Variants in ADK observed in about 807,000 individuals in gnomAD.
ADK encodes adenosine kinase.
ADK carries 24 observed loss-of-function variants against 44.7 expected under a neutral mutation model. The observed-to-expected ratio is 0.54, with a 90% CI of 0.39 to 0.76. ADK has a LOEUF of 0.76. Among genes scored for constraint, ADK ranks in the 30% least tolerant of loss-of-function variants. The pLI, the probability that ADK is intolerant of heterozygous loss-of-function variation, is 0.00. For synonymous variants in ADK, 128 were observed against 142.6 expected (o/e 0.90, Z 0.73); for missense variants, 321 against 425.1 (o/e 0.76, Z 2.15).
chr10:74,543,701 T>C (rs1403229229), intron 7 of ADK, among the ~76,000 whole-genome samples: 1 of 152,236 alleles, frequency 6.6e-6, no homozygotes, highest in African/African-American at 2.4e-5. Flanking sequence ...TTATTAAGCA[T>C]TGCTATCAAA....
At chr10:74,219,778 A>G (rs1844220684) in intron 2 of ADK, among the ~76,000 whole-genome samples, 1 of 151,574 alleles carries the variant, frequency 6.6e-6, no homozygotes, top group South Asian at 2.1e-4. Context: ...TACTGGGTAC[A>G]TAACGAAATG....
chr10:74,356,535 T>G (rs910864713), intron 4 of ADK, among the ~76,000 whole-genome samples: 1 of 152,236 alleles, frequency 6.6e-6, no homozygotes, highest in Non-Finnish European at 1.5e-5. Flanking sequence ...AATACCCATT[T>G]TATAAATTGG....
At chr10:74,384,377 G>A (rs1843073380) in intron 4 of ADK, among the ~76,000 whole-genome samples, 1 of 152,006 alleles carries the variant, frequency 6.6e-6, no homozygotes, top group African/African-American at 2.4e-5. Context: ...AACATAAAAT[G>A]CAGGCATATA....
chr10:74,699,293 T>G (rs1856326893), intron 10 of ADK, among the ~76,000 whole-genome samples: 1 of 152,056 alleles, frequency 6.6e-6, no homozygotes, highest in Non-Finnish European at 1.5e-5. Flanking sequence ...GTACAGTATT[T>G]GTATCTATTA....
At chr10:74,228,697 A>G (rs1470147728) in intron 3 of ADK, among the ~76,000 whole-genome samples, 1 of 152,160 alleles carries the variant, frequency 6.6e-6, no homozygotes, top group Non-Finnish European at 1.5e-5. Flanking sequence ...AAATAGAACC[A>G]TTTTGTTTCC....
intron 8 of ADK, among the ~76,000 whole-genome samples, chr10:74,591,767 G>A (rs1851730533): frequency 6.6e-6 from 1 of 152,128 alleles, no homozygotes; most frequent in Non-Finnish European, 1.5e-5. Context: ...GAGCATGAAT[G>A]AGAAGAAAGA....
intron 9 of ADK, chr10:74,661,277 C>A: frequency 1.0e-6 from 1 of 958,730 alleles, no homozygotes. Context: ...CCATCATCAC[C>A]TTTTTTTCAG....
chr10:74,261,170 T>G (rs1377239909), intron 3 of ADK, among the ~76,000 whole-genome samples: 1 of 152,200 alleles, frequency 6.6e-6, no homozygotes, highest in Non-Finnish European at 1.5e-5. Context: ...GCACATTACA[T>G]TCATTTGCTT....
chr10:74,364,845 A>G (rs2131954879), intron 4 of ADK, among the ~76,000 whole-genome samples: 1 of 152,100 alleles, frequency 6.6e-6, no homozygotes, highest in Non-Finnish European at 1.5e-5. Flanking sequence ...GGAGTTTTAC[A>G]GAATCTACAG....
intron 7 of ADK, among the ~76,000 whole-genome samples, chr10:74,584,518 A>C (rs1488065002): frequency 6.6e-6 from 1 of 152,210 alleles, no homozygotes; most frequent in Non-Finnish European, 1.5e-5. Flanking sequence ...TTCAAGGAGA[A>C]TATTATACCT....
chr10:74,467,850 A>G (rs1472836579), intron 6 of ADK, among the ~76,000 whole-genome samples: 1 of 152,146 alleles, frequency 6.6e-6, no homozygotes, highest in East Asian at 1.9e-4. Flanking sequence ...TGCAGTTTCA[A>G]TTCATTTCTA....
At chr10:74,333,310 C>T (rs1034551933) in intron 4 of ADK, among the ~76,000 whole-genome samples, 26 of 152,136 alleles carry the variant, frequency 1.7e-4, no homozygotes, top group African/African-American at 6.3e-4. Flanking sequence ...AAATGTATTA[C>T]ATTAGGAGGG....
intron 10 of ADK, among the ~76,000 whole-genome samples, chr10:74,675,779 A>G (rs1855363828): frequency 6.6e-6 from 1 of 152,160 alleles, no homozygotes; most frequent in South Asian, 2.1e-4. Flanking sequence ...CTTCCCAGTA[A>G]ATGAAACTGA....
intron 6 of ADK, among the ~76,000 whole-genome samples, chr10:74,469,169 C>A (rs867752415): frequency 6.6e-6 from 1 of 151,970 alleles, no homozygotes; most frequent in African/African-American, 2.4e-5. Context: ...AAAACCCCAT[C>A]CCTACAAAAA....
At position 74,602,105 on chromosome 10, in the gene ADK, CAAAAAAAA is replaced by C. The variant is rs58400071; in HGVS notation, c.877+1629_877+1636del. Among the ~76,000 whole-genome samples the C allele has an allele frequency of 1.2e-3, 57 of 48,790 alleles. No homozygotes were observed. The East Asian group carries it at 0.03, about 26-fold the overall frequency. The allele number at this position is 48,790 out of a possible 152,430, so 32.0% of individuals were successfully genotyped here. A position where few individuals can be genotyped will look rare whatever the true frequency, so the allele number is the denominator to read the frequency against. ...GGATGACAGACCAAGACCCTGTCTC[CAAAAAAAA>C]AAAAAAAAAAAAAAAAGAACGGAGG... is the stretch of plus-strand genomic sequence containing the variant. On this transcript the variant is annotated intron_variant, in intron 9 of 10. Coordinates refer to ENST00000539909, the MANE Select transcript of ADK (RefSeq NM_006721.4).
chr10:74,234,888 G>C (rs1434540878), intron 3 of ADK, among the ~76,000 whole-genome samples: 1 of 152,040 alleles, frequency 6.6e-6, no homozygotes, highest in African/African-American at 2.4e-5. Context: ...TTGCAAGTGG[G>C]TTTTTAAAAG....
chr10:74,204,159 G>A (rs1341858646), intron 2 of ADK, among the ~76,000 whole-genome samples: 2 of 151,944 alleles, frequency 1.3e-5, no homozygotes. Flanking sequence ...GTTTCACCAT[G>A]TTGGTCAGGC....
chr10:74,534,632 A>G (rs2063990509), intron 7 of ADK, among the ~76,000 whole-genome samples: 1 of 152,230 alleles, frequency 6.6e-6, no homozygotes, highest in Non-Finnish European at 1.5e-5. Context: ...TAATGCATGT[A>G]AAGTTTCAGC....
At chr10:74,281,576 A>G (rs761641362) in intron 3 of ADK, among the ~76,000 whole-genome samples, 7 of 152,380 alleles carry the variant, frequency 4.6e-5, no homozygotes, top group South Asian at 4.1e-4. Context: ...ATGAGGCATC[A>G]TAAATTACCT....
Sources: gnomAD v4.1 joint callset for allele counts (sites outside exome capture counted in the v4.1 genomes callset) on GRCh38, gnomAD v4.1.1 for gene constraint, MANE v1.5 for transcripts, NCBI Gene and HGNC (gene_info 2026-07-23, HGNC 2026-07-21) for gene names.